KCNH7: variants seen among roughly 807,000 people sequenced by gnomAD.
The protein encoded by KCNH7 is voltage-gated inwardly rectifying potassium channel KCNH7.
A neutral mutation model predicts 120.8 loss-of-function variants in KCNH7; 49 were observed. The observed-to-expected ratio is 0.41, with a 90% CI of 0.32 to 0.51. KCNH7 has a LOEUF of 0.51. Ranked by LOEUF, KCNH7 falls within the 20% of genes least tolerant of loss-of-function variation. The probability of loss-of-function intolerance (pLI) is 0.38; values close to 1 mark genes in which losing one functional copy is unlikely to be tolerated. For synonymous variants in KCNH7, 547 were observed against 516.1 expected, an observed-to-expected ratio of 1.06 and a Z score of -0.81; for missense variants, 1,097 against 1,446.6, an observed-to-expected ratio of 0.76 and a Z score of 3.92.
At chr2:162,641,037 G>A (rs950355871) in intron 2 of KCNH7, among the ~76,000 whole-genome samples, 2 of 152,126 alleles carry the variant, frequency 1.3e-5, no homozygotes, top group Non-Finnish European at 2.9e-5. Flanking sequence ...ACCAAATGCT[G>A]GTGGGGGTTA....
chr2:162,659,180 A>T (rs1323745145), intron 2 of KCNH7, among the ~76,000 whole-genome samples: 1 of 152,162 alleles, frequency 6.6e-6, no homozygotes, highest in African/African-American at 2.4e-5. Flanking sequence ...TGAGCAAGTG[A>T]TAGATTTTTA....
intron 7 of KCNH7, among the ~76,000 whole-genome samples, chr2:162,441,439 G>A (rs1688411858): frequency 6.6e-6 from 1 of 152,000 alleles, no homozygotes; most frequent in Non-Finnish European, 1.5e-5. Context: ...TTCCCTCAAA[G>A]AGCACAGTAG....
At chr2:162,682,243 T>A (rs1364644305) in intron 2 of KCNH7, among the ~76,000 whole-genome samples, 1 of 151,762 alleles carries the variant, frequency 6.6e-6, no homozygotes, top group African/African-American at 2.4e-5. Flanking sequence ...AGGTGCCAGG[T>A]ACTGTTCTCC....
At chr2:162,743,151 C>G (rs1043756183) in intron 2 of KCNH7, among the ~76,000 whole-genome samples, 1 of 152,034 alleles carries the variant, frequency 6.6e-6, no homozygotes, top group Non-Finnish European at 1.5e-5. Context: ...ATGACAGAGT[C>G]TACCATCTGC....
At chr2:162,540,251 A>G (rs1457202721) in intron 2 of KCNH7, among the ~76,000 whole-genome samples, 1 of 150,558 alleles carries the variant, frequency 6.6e-6, no homozygotes, top group African/African-American at 2.5e-5. Context: ...TTATAAAATT[A>G]TACATGCAAA....
intron 2 of KCNH7, among the ~76,000 whole-genome samples, chr2:162,654,068 C>CTA (rs1684658829): frequency 6.6e-6 from 1 of 150,906 alleles, no homozygotes; most frequent in African/African-American, 2.4e-5. Context: ...GAAAAAAGCT[C>CTA]CATGACCTTA....
intron 2 of KCNH7, among the ~76,000 whole-genome samples, chr2:162,763,882 G>C (rs1689054094): frequency 6.6e-6 from 1 of 151,612 alleles, no homozygotes; most frequent in Admixed American, 6.6e-5. Flanking sequence ...TAGCTATTTT[G>C]CCTTTGTGTA....
chr2:162,629,430 G>A (rs1000104333), intron 2 of KCNH7, among the ~76,000 whole-genome samples: 25 of 152,108 alleles, frequency 1.6e-4, no homozygotes, highest in African/African-American at 5.8e-4. Context: ...TAGAGGAAAA[G>A]GAAGTGTAGA....
At chr2:162,559,054 CAAAAAA>C (rs780823559) in intron 2 of KCNH7, among the ~76,000 whole-genome samples, 2 of 37,180 alleles carry the variant, frequency 5.4e-5, no homozygotes, top group Admixed American at 2.7e-4. Context: ...GACTCTGCCT[CAAAAAA>C]AAAAAAAAAA....
chr2:162,792,762 GGTGTGTGTGTGTGT>G (rs59397474), intron 2 of KCNH7, among the ~76,000 whole-genome samples: 68,319 of 124,694 alleles, frequency 0.55, 20,642 homozygotes, highest in Non-Finnish European at 0.68. Flanking sequence ...TCTTTTGAAT[GGTGTGTGTGTGTGT>G]GTGTGTGTGT....
chr2:162,562,876 C>T (rs886939373), intron 2 of KCNH7, among the ~76,000 whole-genome samples: 1 of 152,116 alleles, frequency 6.6e-6, no homozygotes, highest in African/African-American at 2.4e-5. Flanking sequence ...GGGTGCCACA[C>T]TTGCGTCCCA....
chr2:162,522,870 A>G (rs999607697), intron 3 of KCNH7, among the ~76,000 whole-genome samples: 1 of 151,864 alleles, frequency 6.6e-6, no homozygotes, highest in Non-Finnish European at 1.5e-5. Context: ...ATAATTAACT[A>G]CTACTATAAT....
intron 2 of KCNH7, among the ~76,000 whole-genome samples, chr2:162,583,008 C>T (rs1165151535): frequency 6.6e-6 from 1 of 152,026 alleles, no homozygotes; most frequent in Non-Finnish European, 1.5e-5. Flanking sequence ...GAGAGTGAGA[C>T]ATTTTAAATC....
rs544849159 is a variant in KCNH7 at position 162,572,050 on chromosome 2, T to C, written c.308-34970A>G. 1.1e-3 allele frequency among the ~76,000 whole-genome samples: 168 copies of C among 151,896 alleles called. 1 individual carries two copies. The highest frequency in any genetic ancestry group is 3.9e-3 in the African/African-American group (161 of 41,418). On this transcript the variant is annotated intron_variant, in intron 2 of 15. Transcript: ENST00000332142. ...CAAAAGACAAAATTGACAAATGGGATCTAATTAAAGTAAAGAGCTTCTGCA... is the reference window on the plus strand; with the variant it reads ...CAAAAGACAAAATTGACAAATGGGACCTAATTAAAGTAAAGAGCTTCTGCA...
At chr2:162,486,588 A>T (rs185965117) in intron 6 of KCNH7, among the ~76,000 whole-genome samples, 1 of 152,174 alleles carries the variant, frequency 6.6e-6, no homozygotes, top group African/African-American at 2.4e-5. Context: ...AAATAGGAAA[A>T]AATATTCCTA....
chr2:162,567,770 A>C (rs1693309819), intron 2 of KCNH7, among the ~76,000 whole-genome samples: 1 of 152,070 alleles, frequency 6.6e-6, no homozygotes, highest in African/African-American at 2.4e-5. Context: ...TGAAACAATG[A>C]GTAATTTATT....
chr2:162,467,997 T>C (rs1341780619), intron 6 of KCNH7, among the ~76,000 whole-genome samples: 1 of 152,182 alleles, frequency 6.6e-6, no homozygotes, highest in Non-Finnish European at 1.5e-5. Flanking sequence ...TATCTTTTAA[T>C]AACATCACAC....
intron 2 of KCNH7, among the ~76,000 whole-genome samples, chr2:162,794,107 T>G (rs1684051450): frequency 6.6e-6 from 1 of 151,870 alleles, no homozygotes; most frequent in South Asian, 2.1e-4. Flanking sequence ...TAAATAAAAT[T>G]TACCTGTTTC....
chr2:162,430,167 C>A (rs894798112), intron 8 of KCNH7, among the ~76,000 whole-genome samples: 4 of 151,914 alleles, frequency 2.6e-5, no homozygotes, highest in African/African-American at 9.7e-5. Flanking sequence ...TACGACAGCA[C>A]TATTTTTTTC....
Sources: gnomAD v4.1 joint callset for allele counts (sites outside exome capture counted in the v4.1 genomes callset) on GRCh38, gnomAD v4.1.1 for gene constraint, MANE v1.5 for transcripts, NCBI Gene and HGNC (gene_info 2026-07-23, HGNC 2026-07-21) for gene names.